Variants in ARHGEF4 observed in about 807,000 individuals in gnomAD.
The protein encoded by ARHGEF4 is Rho guanine nucleotide exchange factor 4.
ARHGEF4 carries 119 observed loss-of-function variants against 162.0 expected under a neutral mutation model. The observed-to-expected ratio is 0.73, with a 90% CI of 0.63 to 0.86. The LOEUF (loss-of-function observed/expected upper bound fraction) is 0.86, where lower values mean the gene tolerates loss of function less well. Ranked by LOEUF, ARHGEF4 falls within the 40% of genes least tolerant of loss-of-function variation. The pLI, the probability that ARHGEF4 is intolerant of heterozygous loss-of-function variation, is 0.00. For synonymous variants in ARHGEF4, 1,014 were observed against 979.9 expected, an observed-to-expected ratio of 1.03 and a Z score of -0.65; for missense variants, 2,488 against 2,456.0, an observed-to-expected ratio of 1.01 and a Z score of -0.28.
At chr2:130,987,266 G>A (rs575638477) in intron 4 of ARHGEF4, among the ~76,000 whole-genome samples, 30 of 152,314 alleles carry the variant, frequency 2.0e-4, no homozygotes, top group Middle Eastern at 3.4e-3. Flanking sequence ...TAGAGACAGT[G>A]GTGGACTTTG....
At chr2:131,044,777 G>C (rs923032668) in intron 12 of ARHGEF4, among the ~76,000 whole-genome samples, 1 of 152,256 alleles carries the variant, frequency 6.6e-6, no homozygotes, top group Non-Finnish European at 1.5e-5. Context: ...CAGCCCCAAG[G>C]CATGGGTCTG....
At position 130,917,467 on chromosome 2, in the gene ARHGEF4, T is replaced by C; in HGVS notation, c.3521T>C (p.Val1174Ala). The C allele has an allele frequency of 6.4e-7, 1 of 1,550,392 alleles. No homozygotes were observed. Among genetic ancestry groups the C allele is most frequent in the African/African-American group, 1.4e-5 (1 of 73,156 alleles). ...GGQGPRGLGT[V>A]PWLRDLPGSE... ...CAGGGTCCGCGCGGCTTGGGCACAG[T>C]GCCCTGGCTCAGGGACCTTCCTGGG... Residue 1174 changes from valine to alanine, a missense_variant, in exon 2 of 14, where the codon GTG becomes GCG. Physicochemically the swap from Val to Ala is moderately conservative, Grantham distance 64. Transcript: ENST00000409359.
At chr2:130,867,445 C>T (rs1682367075) in intron 1 of ARHGEF4, among the ~76,000 whole-genome samples, 1 of 151,896 alleles carries the variant, frequency 6.6e-6, no homozygotes, top group Non-Finnish European at 1.5e-5. Context: ...ACCATGTTGG[C>T]CAGGCTGGTC....
At chr2:130,911,809 T>C (rs1401685791) in intron 1 of ARHGEF4, among the ~76,000 whole-genome samples, 3 of 152,336 alleles carry the variant, frequency 2.0e-5, no homozygotes, top group African/African-American at 7.2e-5. Flanking sequence ...TCACAGGTAG[T>C]GCCCTGGGCA....
intron 4 of ARHGEF4, chr2:131,012,026 T>C (rs1249374465): frequency 1.5e-6 from 1 of 659,378 alleles, no homozygotes; most frequent in African/African-American, 1.8e-5. Context: ...GGCGTCAGGA[T>C]AACCAAAATT....
At chr2:130,856,470 T>C (rs1480592435) in intron 1 of ARHGEF4, among the ~76,000 whole-genome samples, 1 of 152,234 alleles carries the variant, frequency 6.6e-6, no homozygotes, top group Non-Finnish European at 1.5e-5. Flanking sequence ...AGATTTGCCT[T>C]GCAAGAAATA....
intron 9 of ARHGEF4, 66 bp from the exon 10 acceptor site, chr2:131,041,749 G>A (rs1408764738): frequency 1.3e-6 from 2 of 1,574,964 alleles, no homozygotes; most frequent in Middle Eastern, 2.3e-4. Context: ...CGTGGGGGCT[G>A]CAGGGGATCC....
intron 4 of ARHGEF4, among the ~76,000 whole-genome samples, chr2:130,999,829 A>T (rs1490877664): frequency 6.6e-6 from 1 of 152,150 alleles, no homozygotes; most frequent in Non-Finnish European, 1.5e-5. Context: ...CAGCCTCCTG[A>T]GTAGCTGGGA....
intron 4 of ARHGEF4, chr2:130,964,310 G>T: frequency 1.1e-6 from 1 of 950,158 alleles, no homozygotes; most frequent in African/African-American, 1.8e-5. Context: ...GTGCTCTTGG[G>T]ACCCCCCGCC....
chr2:130,914,244 G>A lies in ARHGEF4; in HGVS notation c.298G>A (p.Glu100Lys), dbSNP rs930392744. 2.0e-6 allele frequency: 3 copies of A among 1,535,200 alleles called. No individual in the cohort carries two copies. The highest frequency in any genetic ancestry group is 2.6e-6 in the Non-Finnish European group (3 of 1,146,378). Reference protein sequence around the residue: ...HPLRGTPVDIEAPWEYPDVSA... With the variant: ...HPLRGTPVDIKAPWEYPDVSA... ...TCTAAGAGGTACTCCCGTAGATATA[G>A]AAGCACCTTGGGAATACCCTGATGT... Residue 100 changes from glutamate to lysine, a missense_variant, in exon 2 of 14, where the codon GAA becomes AAA. By Grantham distance (56) the Glu-to-Lys change is moderately conservative (BLOSUM62 1). Transcript: ENST00000409359.
In ARHGEF4 at chr2:130,955,649, G is replaced by A. The variant is rs1684222831; in HGVS notation, c.3985+9014G>A. Among the ~76,000 whole-genome samples the A allele has an allele frequency of 3.3e-5, 5 of 152,088 alleles. No individual in the cohort carries two copies. In the South Asian group the frequency reaches 1.0e-3, roughly 32 times the overall value. ...CCACTCATTGGTTGCTGATTGCTCT[G>A]TTATTTTCAATATTGTCCTGGGGCA... On this transcript the variant is annotated intron_variant, in intron 4 of 13. Transcript: ENST00000409359.
chr2:130,930,590 G>A (rs1240765226), intron 2 of ARHGEF4, among the ~76,000 whole-genome samples: 7 of 152,060 alleles, frequency 4.6e-5, no homozygotes, highest in African/African-American at 1.7e-4. Flanking sequence ...TGTTCATAAG[G>A]GAATGTTGTT....
At chr2:130,987,593 C>T (rs570742803) in intron 4 of ARHGEF4, among the ~76,000 whole-genome samples, 1 of 152,238 alleles carries the variant, frequency 6.6e-6, no homozygotes, top group South Asian at 2.1e-4. Context: ...TTTTAGAATC[C>T]TGCTGATTGG....
chr2:131,022,996 A>G (rs2105357316), intron 4 of ARHGEF4, among the ~76,000 whole-genome samples: 1 of 149,868 alleles, frequency 6.7e-6, no homozygotes, highest in African/African-American at 2.5e-5. Context: ...GATCCCAGCT[A>G]CTTGGGAACT....
intron 4 of ARHGEF4, among the ~76,000 whole-genome samples, chr2:131,005,802 TG>T (rs950080986): frequency 2.4e-4 from 36 of 152,256 alleles, no homozygotes; most frequent in African/African-American, 8.4e-4. Context: ...GCAAAAGGTC[TG>T]GAAGGTGTGT....
rs1405072462 is a variant in ARHGEF4, at chr2:131,034,893, C to T, written c.4126-3960C>T. On this transcript the variant is annotated intron_variant, in intron 5 of 13. Transcript: ENST00000409359. ...CTCCAGCCCGCCGCCGCCGCCGCCCCCGCCCGCACAGCCGGCTTGGTTGCC... is the reference window on the plus strand; with the variant it reads ...CTCCAGCCCGCCGCCGCCGCCGCCCTCGCCCGCACAGCCGGCTTGGTTGCC... 2.2e-4 allele frequency: 184 copies of T among 826,150 alleles called. 2 individuals carry two copies. Among genetic ancestry groups the T allele is most frequent in the Non-Finnish European group, 5.0e-5 (34 of 683,722 alleles). 51.2% of individuals were successfully genotyped at this position (826,150 alleles called of 1,614,324 possible).
intron 1 of ARHGEF4, among the ~76,000 whole-genome samples, chr2:130,843,759 G>A (rs902383388): frequency 2.6e-5 from 4 of 152,210 alleles, no homozygotes; most frequent in African/African-American, 4.8e-5. Flanking sequence ...CTGGGCTGTC[G>A]GCTCTGAGGG....
chr2:131,010,607 A>G (rs575106183), intron 4 of ARHGEF4, among the ~76,000 whole-genome samples: 2 of 152,372 alleles, frequency 1.3e-5, no homozygotes, highest in East Asian at 1.9e-4. Context: ...CACTTTGGAC[A>G]GCATTGCATG....
chr2:131,036,606 C>T (rs1205510571), intron 5 of ARHGEF4, among the ~76,000 whole-genome samples: 1 of 152,236 alleles, frequency 6.6e-6, no homozygotes, highest in Non-Finnish European at 1.5e-5. Flanking sequence ...CCAGTCCCAC[C>T]TGCAGGGACA....
Sources: gnomAD v4.1 joint callset for allele counts (sites outside exome capture counted in the v4.1 genomes callset) on GRCh38, gnomAD v4.1.1 for gene constraint, MANE v1.5 for transcripts, NCBI Gene and HGNC (gene_info 2026-07-23, HGNC 2026-07-21) for gene names.